The following MYH7B variants were observed in gnomAD, a reference collection of about 807,000 sequenced individuals.
MYH7B encodes myosin-7B.
In MYH7B, 205 loss-of-function variants were observed where a neutral mutation model predicts 234.5. The ratio of observed to expected loss-of-function variants is 0.87; its 90% CI spans 0.78 to 0.98. MYH7B has a LOEUF of 0.98. MYH7B is among the 50% of genes least tolerant of loss of function. The pLI is 0.00. For synonymous variants in MYH7B, 1,193 were observed against 1,105.0 expected (o/e 1.08, Z -1.58); for missense variants, 2,652 against 2,633.4 (o/e 1.01, Z -0.15).
At chr20:34,983,912 A>T (rs2081977783) in intron 10 of MYH7B, among the ~76,000 whole-genome samples, 1 of 152,072 alleles carries the variant, frequency 6.6e-6, no homozygotes, top group African/African-American at 2.4e-5. Context: ...CAGCATCCGG[A>T]GTAGGGAAGA....
intron 9 of MYH7B, chr20:34,981,499 C>T (rs1358810388): frequency 9.6e-6 from 2 of 208,264 alleles, no homozygotes; most frequent in Admixed American, 1.1e-4. Flanking sequence ...GGCTCATGTC[C>T]AGTCAGGCCA....
At chr20:34,986,943 T>C (rs1286654642) in exon 15 of MYH7B, 3 of 1,614,090 alleles carry the variant, frequency 1.9e-6, no homozygotes, top group South Asian at 1.1e-5. Context: ...CAGGGCGTCA[T>C]CACCGTGGAC....
At chr20:34,982,590 C>T (rs1473678880) in intron 10 of MYH7B, 35 bp downstream of exon 10, 2 of 1,464,790 alleles carry the variant, frequency 1.4e-6, no homozygotes, top group African/African-American at 1.4e-5. Flanking sequence ...CTCCCCGTTG[C>T]TTCTCGCTGT....
chr20:34,984,872 A>C, exon 12 of MYH7B: 2 of 1,614,040 alleles, frequency 1.2e-6, no homozygotes, highest in Non-Finnish European at 1.7e-6. Context: ...TGAGGATCAA[A>C]TCATCGAGGC....
At chr20:34,990,348 C>T (rs1388854518) in intron 22 of MYH7B, 38 bp downstream of exon 22, 7 of 1,610,372 alleles carry the variant, frequency 4.3e-6, no homozygotes, top group Non-Finnish European at 5.9e-6. Flanking sequence ...TCCCTCTTGG[C>T]AGCCTCCAGC....
In MYH7B at chr20:34,987,916, T is replaced by C. The variant is rs1294928887; in HGVS notation, c.1416+2T>C. On this transcript the variant is annotated splice_donor_variant, in intron 18 of 44. Coordinates refer to ENST00000262873, the Ensembl canonical transcript of MYH7B. LOFTEE classifies it high-confidence loss of function. ...ATCGCTGGGTTTGAGATCTTTGAGG[T>C]GAGGACAGGCCCTCACCTTGGCCTC... 1 of 1,591,680 alleles carries C rather than the reference T, an allele frequency of 6.3e-7. No homozygotes were observed. Among genetic ancestry groups the C allele is most frequent in the Non-Finnish European group, 8.6e-7 (1 of 1,167,320 alleles).
At chr20:34,964,561 C>T (rs1450285445) in intron 2 of MYH7B, among the ~76,000 whole-genome samples, 2 of 152,160 alleles carry the variant, frequency 1.3e-5, no homozygotes, top group Non-Finnish European at 2.9e-5. Flanking sequence ...AGGCTATCGT[C>T]CTGCTCTTCC....
intron 10 of MYH7B, 97 bp from the exon 11 acceptor site, chr20:34,984,594 TG>T: frequency 9.2e-7 from 1 of 1,092,736 alleles, no homozygotes. Flanking sequence ...TCCACCCCCC[TG>T]TCCTGCTGCC....
At chr20:34,994,997 C>G (rs779277520) in intron 27 of MYH7B, among the ~76,000 whole-genome samples, 1 of 152,134 alleles carries the variant, frequency 6.6e-6, no homozygotes, top group Non-Finnish European at 1.5e-5. Flanking sequence ...TCCAGGAGCC[C>G]GTCCGTGGCT....
At chr20:34,983,289 TTTTC>T (rs2081966674) in intron 10 of MYH7B, among the ~76,000 whole-genome samples, 2 of 68,512 alleles carry the variant, frequency 2.9e-5, no homozygotes, top group South Asian at 7.8e-4. Context: ...CTTTCTTTTC[TTTTC>T]TTTTCTTTTT....
At chr20:34,976,747 G>A (rs559509572) in intron 3 of MYH7B, among the ~76,000 whole-genome samples, 6 of 152,362 alleles carry the variant, frequency 3.9e-5, no homozygotes, top group African/African-American at 1.4e-4. Context: ...TCCCCAGAAA[G>A]AGGATGGGGA....
intron 14 of MYH7B, 88 bp downstream of exon 14, chr20:34,986,286 T>A: frequency 9.5e-7 from 1 of 1,056,730 alleles, no homozygotes; most frequent in Non-Finnish European, 1.4e-6. Context: ...CAGGCCCTGG[T>A]GGTCTTTCCC....
intron 2 of MYH7B, among the ~76,000 whole-genome samples, chr20:34,960,467 C>G (rs1366595152): frequency 1.3e-5 from 2 of 152,192 alleles, no homozygotes; most frequent in African/African-American, 4.8e-5. Flanking sequence ...GATCTCCTGA[C>G]CTTGTGATCC....
At chr20:34,981,483 A>G (rs1261479939) in intron 9 of MYH7B, 6 of 213,980 alleles carry the variant, frequency 2.8e-5, no homozygotes, top group Admixed American at 5.7e-5. Context: ...TAATTCTTAC[A>G]TGCCAGGCTC....
At chr20:34,999,976 C>T (rs1194989689) in intron 38 of MYH7B, 70 bp downstream of exon 38, 8 of 1,372,498 alleles carry the variant, frequency 5.8e-6, no homozygotes, top group Non-Finnish European at 8.2e-6. Context: ...GTACTCTGCT[C>T]TCTAGTCTGT....
intron 2 of MYH7B, among the ~76,000 whole-genome samples, chr20:34,973,885 A>G (rs1209929046): frequency 1.3e-5 from 2 of 150,398 alleles, no homozygotes; most frequent in Middle Eastern, 3.5e-3. Flanking sequence ...AGCCTCCCCA[A>G]GTAGGTGGGA....
intron 19 of MYH7B, among the ~76,000 whole-genome samples, chr20:34,988,915 T>G (rs1186858199): frequency 6.6e-6 from 1 of 151,032 alleles, no homozygotes; most frequent in African/African-American, 2.4e-5. Context: ...GTTCAAGCAA[T>G]TCTTATGCCT....
chr20:34,993,169 A>C, exon 25 of MYH7B: 1 of 1,613,982 alleles, frequency 6.2e-7, no homozygotes, highest in Non-Finnish European at 8.5e-7. Flanking sequence ...GGCCACAGAG[A>C]AACTGCTGGG....
At position 34,973,094 on chromosome 20, in the gene MYH7B, C is replaced by G. The variant is rs115494349; in HGVS notation, c.-221-2306C>G. On this transcript the variant is annotated intron_variant, in intron 2 of 44. Transcript: ENST00000262873. The stretch of plus-strand genomic sequence containing the variant: ...GCCCCAACTCCTGCAGGATAAAGTT[C>G]CAGATCTGAATCTGGCCTTTGAAGC... Among the ~76,000 whole-genome samples the G allele has an allele frequency of 4.5e-3, 679 of 152,290 alleles. 3 individuals carry two copies. The highest frequency in any genetic ancestry group is 0.016 in the African/African-American group (653 of 41,560).
Sources: gnomAD v4.1 joint callset for allele counts (sites outside exome capture counted in the v4.1 genomes callset) on GRCh38, gnomAD v4.1.1 for gene constraint, MANE v1.5 for transcripts, NCBI Gene and HGNC (gene_info 2026-07-23, HGNC 2026-07-21) for gene names.